Variants in VCAM1 observed in about 807,000 individuals in gnomAD.
VCAM1 encodes vascular cell adhesion molecule 1, also known as vascular cell adhesion protein 1.
In VCAM1, 41 loss-of-function variants were observed where a neutral mutation model predicts 63.8. The observed-to-expected ratio is 0.64, with a 90% confidence interval of 0.50 to 0.83. The LOEUF (loss-of-function observed/expected upper bound fraction) is 0.83. Among genes scored for constraint, VCAM1 ranks in the 40% least tolerant of loss-of-function variants. VCAM1 has a pLI of 0.00. For missense variants in VCAM1, 798 were observed against 875.5 expected, an observed-to-expected ratio of 0.91 and a Z score of 1.12; for synonymous variants, 338 against 320.7, an observed-to-expected ratio of 1.05 and a Z score of -0.58.
chr1:100,722,075 C>T (rs1275002792), intron 2 of VCAM1, among the ~76,000 whole-genome samples: 1 of 152,038 alleles, frequency 6.6e-6, no homozygotes, highest in Non-Finnish European at 1.5e-5. Context: ...AGTTCTGTCT[C>T]CTTTCCGCAT....
chr1:100,724,039 G>A (rs1571454766), intron 3 of VCAM1, among the ~76,000 whole-genome samples: 1 of 152,034 alleles, frequency 6.6e-6, no homozygotes, highest in African/African-American at 2.4e-5. Context: ...ATTTTGAGAA[G>A]AATAGTCAAG....
chr1:100,725,004 G>A (rs1487239425), intron 4 of VCAM1, 114 bp downstream of exon 4: 1 of 1,329,778 alleles, frequency 7.5e-7, no homozygotes, highest in Non-Finnish European at 1.0e-6. Context: ...TGACCTATCT[G>A]ATTGCCATAT....
At chr1:100,729,407 C>T in intron 5 of VCAM1, 25 bp downstream of exon 5, 3 of 1,421,500 alleles carry the variant, frequency 2.1e-6, no homozygotes, top group Non-Finnish European at 2.8e-6. Context: ...GAATTGTTTA[C>T]TGTTTTTTTT....
chr1:100,731,319 G>A lies in VCAM1; in HGVS notation c.1326G>A (p.Lys442=). Residue 442 remains lysine (K), a synonymous_variant, in exon 6 of 9, where the codon AAG becomes AAA. Transcript: ENST00000294728. This position sits in a 1 kb window ranked among gnomAD's most constrained non-coding sequence, Gnocchi z 4.2. The part of the protein sequence containing the change: ...PLDRLEIELL[K]GETILENIEF... ...ACCGGCTGGAGATTGAATTACTTAA[G>A]GGGGAGACTATTCTGGAGAATATAG... 2 of 1,613,822 alleles carry A rather than the reference G, an allele frequency of 1.2e-6. No homozygotes were observed. The highest frequency in any genetic ancestry group is 1.7e-6 in the Non-Finnish European group (2 of 1,179,848).
At chr1:100,730,415 G>A (rs1322912170) in intron 5 of VCAM1, among the ~76,000 whole-genome samples, 2 of 152,070 alleles carry the variant, frequency 1.3e-5, no homozygotes, top group South Asian at 2.1e-4. Context: ...GGAAAAAAAT[G>A]TTTAAGCATT....
chr1:100,738,385 C>T lies in VCAM1; in HGVS notation c.*102C>T. The T allele has an allele frequency of 7.6e-7, 1 of 1,317,992 alleles. No individual in the cohort carries two copies. 81.6% of individuals were successfully genotyped at this position (1,317,992 alleles called of 1,614,324 possible). ...AAACAATGAGCTGAGAGGCAGACTT[C>T]CCTGAATGTATTGAACTTGGAAAGA... is the stretch of plus-strand genomic sequence containing the variant. On this transcript the variant is annotated 3_prime_UTR_variant, in exon 9 of 9. Coordinates refer to ENST00000294728, the MANE Select transcript of VCAM1 (RefSeq NM_001078.4).
In VCAM1 at chr1:100,723,265, C is replaced by T. The variant is rs1393412267; in HGVS notation, c.586C>T (p.Arg196Ter). ...IEDIGKVLVC[R>*]AKLHIDEMDS... ...GGATATTGGAAAAGTTCTTGTTTGC[C>T]GAGCTAAATTACACATTGATGAAAT... Residue 196 changes from arginine to a stop codon, truncating the protein, a stop_gained, in exon 3 of 9, where the codon CGA (arginine) becomes TGA (stop). Transcript: ENST00000294728. LOFTEE classifies it high-confidence loss of function. 7 of 1,612,942 alleles carry T rather than the reference C, an allele frequency of 4.3e-6. No individual in the cohort carries two copies. Among genetic ancestry groups the T allele is most frequent in the Non-Finnish European group, 5.9e-6 (7 of 1,179,318 alleles).
intron 1 of VCAM1, 76 bp from the exon 2 acceptor site, chr1:100,720,400 A>G: frequency 1.3e-6 from 2 of 1,512,636 alleles, no homozygotes; most frequent in South Asian, 1.3e-5. Flanking sequence ...TATTTTAGAC[A>G]TTATACAGAG....
rs1379908189 is a variant in VCAM1, at chr1:100,719,961, A to C, written c.64+37A>C. 8 of 1,599,710 alleles carry C rather than the reference A, an allele frequency of 5.0e-6. No homozygotes were observed. In the African/African-American group the frequency reaches 9.4e-5, roughly 19 times the overall value. On this transcript the variant is annotated intron_variant, in intron 1 of 8. Coordinates refer to ENST00000294728, the MANE Select transcript of VCAM1 (RefSeq NM_001078.4). ...CCCTTCATCTGTTTCAAATGTTAGCATTCAATTTTAGCCCTGGTTTTGGCT... is the reference window on the plus strand; with the variant it reads ...CCCTTCATCTGTTTCAAATGTTAGCCTTCAATTTTAGCCCTGGTTTTGGCT...
chr1:100,734,033 C>T (rs1660558183), intron 7 of VCAM1, among the ~76,000 whole-genome samples: 1 of 152,102 alleles, frequency 6.6e-6, no homozygotes, highest in South Asian at 2.1e-4. Context: ...CAAGGCACAC[C>T]TTAACATGGC....
chr1:100,738,416 C>A lies in VCAM1; in HGVS notation c.*133C>A. 1 of 1,007,072 alleles carries A rather than the reference C, an allele frequency of 9.9e-7. No homozygotes were observed. The highest frequency in any genetic ancestry group is 1.4e-6 in the Non-Finnish European group (1 of 704,954). 62.4% of individuals were successfully genotyped at this position (1,007,072 alleles called of 1,614,324 possible). A position where few individuals can be genotyped will look rare whatever the true frequency, so the allele number is the denominator to read the frequency against. On this transcript the variant is annotated 3_prime_UTR_variant, in exon 9 of 9. Coordinates refer to ENST00000294728, the MANE Select transcript of VCAM1 (RefSeq NM_001078.4). The stretch of plus-strand genomic sequence containing the variant: ...ATGTATTGAACTTGGAAAGAAATGC[C>A]CATCTATGTCCCTTGCTGTGAGCAA...
At chr1:100,734,815 T>G (rs747400870) in intron 8 of VCAM1, 47 bp downstream of exon 8, 8 of 1,590,578 alleles carry the variant, frequency 5.0e-6, no homozygotes, top group Non-Finnish European at 6.8e-6. Context: ...GTTCAGAGGT[T>G]CCAAGGATTA....
chr1:100,732,401 C>A lies in VCAM1; in HGVS notation c.1526-17C>A. On this transcript the variant is annotated splice_polypyrimidine_tract_variant and intron_variant, in intron 6 of 8. Coordinates refer to ENST00000294728, the MANE Select transcript of VCAM1 (RefSeq NM_001078.4). Reference sequence around the variant, plus strand: ...GGGCATAATAGGTCAAGCTAACAAGCGTCTCTGCCTTTTCAGTTGCCCCCA... The same window carrying A: ...GGGCATAATAGGTCAAGCTAACAAGAGTCTCTGCCTTTTCAGTTGCCCCCA... 6.5e-7 allele frequency: 1 copy of A among 1,527,066 alleles called. No homozygotes were observed. Among genetic ancestry groups the A allele is most frequent in the Non-Finnish European group, 8.8e-7 (1 of 1,139,658 alleles). 94.6% of individuals were successfully genotyped at this position (1,527,066 alleles called of 1,614,324 possible).
At chr1:100,721,728 T>C (rs544888405) in intron 2 of VCAM1, among the ~76,000 whole-genome samples, 1 of 152,088 alleles carries the variant, frequency 6.6e-6, no homozygotes, top group Non-Finnish European at 1.5e-5. Context: ...TTATGCTGGT[T>C]GTATGTGCAT....
intron 4 of VCAM1, among the ~76,000 whole-genome samples, chr1:100,726,167 C>T (rs1660155956): frequency 6.6e-6 from 1 of 152,028 alleles, no homozygotes; most frequent in Admixed American, 6.6e-5. Flanking sequence ...TTCTCTGTGC[C>T]TGGCTTGTTT....
chr1:100,724,022 T>C (rs190409259), intron 3 of VCAM1, among the ~76,000 whole-genome samples: 2 of 152,182 alleles, frequency 1.3e-5, no homozygotes, highest in East Asian at 3.9e-4. Flanking sequence ...GGAAGGCTTT[T>C]AACAATATTT....
In VCAM1 at chr1:100,729,296, TGAG is replaced by T; in HGVS notation, c.1119_1121del (p.Ser374del). On this transcript the variant is annotated inframe_deletion, in exon 5 of 9. Coordinates refer to ENST00000294728, the MANE Select transcript of VCAM1 (RefSeq NM_001078.4). The stretch of plus-strand genomic sequence containing the variant: ...AATTCCACGCTGACCCTGAGCCCTG[TGAG>T]TTTTGAGAACGAACACTCTTATCTG... The T allele has an allele frequency of 6.2e-7, 1 of 1,613,514 alleles. No individual in the cohort carries two copies. The highest frequency in any genetic ancestry group is 8.5e-7 in the Non-Finnish European group (1 of 1,179,662).
chr1:100,724,116 A>G (rs1030075490), intron 3 of VCAM1, among the ~76,000 whole-genome samples: 4 of 152,102 alleles, frequency 2.6e-5, no homozygotes, highest in Non-Finnish European at 2.9e-5. Flanking sequence ...AAGCATTTGA[A>G]AGACAGTTAT....
chr1:100,723,562 G>A (rs2100824510), intron 3 of VCAM1, among the ~76,000 whole-genome samples: 1 of 152,076 alleles, frequency 6.6e-6, no homozygotes, highest in East Asian at 1.9e-4. Flanking sequence ...TCTATTAACT[G>A]TGTGAGTTTG....
Sources: gnomAD v4.1 joint callset for allele counts (sites outside exome capture counted in the v4.1 genomes callset) on GRCh38, gnomAD v4.1.1 for gene constraint, Gnocchi (gnomAD v3.1) non-coding constraint, MANE v1.5 for transcripts, NCBI Gene and HGNC (gene_info 2026-07-23, HGNC 2026-07-21) for gene names.